The following TAF4B variants were observed in gnomAD, a reference collection of about 807,000 sequenced individuals.
TAF4B encodes the protein transcription initiation factor TFIID subunit 4B.
In TAF4B, 38 loss-of-function variants were observed where a neutral mutation model predicts 86.4. The observed-to-expected ratio is 0.44, with a 90% CI of 0.34 to 0.58. TAF4B has a LOEUF of 0.58. TAF4B is among the 20% of genes least tolerant of loss of function. TAF4B has a pLI of 0.02. For missense variants in TAF4B, 988 were observed against 1,027.6 expected (o/e 0.96, Z 0.53); for synonymous variants, 388 against 391.2 (o/e 0.99, Z 0.10).
In TAF4B at chr18:26,390,438, G is replaced by A. The variant is rs1171384935; in HGVS notation, c.*426G>A. The A allele has an allele frequency of 6.5e-6, 1 of 153,572 alleles. No homozygotes were observed. The highest frequency in any genetic ancestry group is 1.4e-5 in the Non-Finnish European group (1 of 69,078). 9.5% of individuals were successfully genotyped at this position (153,572 alleles called of 1,614,324 possible). A position where few individuals can be genotyped will look rare whatever the true frequency, so the allele number is the denominator to read the frequency against. ...TTCTATATTGAACCTGTCCCAAAGT[G>A]GTAGGTTTTCTGGGCTGGAATCAGA... On this transcript the variant is annotated 3_prime_UTR_variant, in exon 15 of 15. Transcript: ENST00000269142.
chr18:26,231,510 C>G (rs1329965850), intron 1 of TAF4B, among the ~76,000 whole-genome samples: 3 of 151,748 alleles, frequency 2.0e-5, no homozygotes, highest in Non-Finnish European at 1.5e-5. Context: ...TGCCACCACA[C>G]CAGGCTAATT....
chr18:26,317,674 C>T (rs2056925496), intron 10 of TAF4B, among the ~76,000 whole-genome samples: 2 of 152,148 alleles, frequency 1.3e-5, no homozygotes, highest in South Asian at 4.2e-4. Flanking sequence ...ATCAGGGTGC[C>T]AGCACGGTCA....
intron 1 of TAF4B, among the ~76,000 whole-genome samples, chr18:26,229,494 C>CTTTTTTTTTTTTTTTTTTTTTTTTTTT (rs34261854): frequency 2.3e-5 from 3 of 129,376 alleles, no homozygotes; most frequent in Admixed American, 8.1e-5. Flanking sequence ...TTCTTTCTTT[C>CTTTTTTTTTTTTTTTTTTTTTTTTTTT]TTTTTTTTTT....
intron 14 of TAF4B, among the ~76,000 whole-genome samples, chr18:26,370,463 CCTT>C: frequency 6.6e-6 from 1 of 152,302 alleles, no homozygotes; most frequent in Non-Finnish European, 1.5e-5. Context: ...CCTTGCCAGT[CCTT>C]CTACCCCTGT....
At chr18:26,272,259 T>C (rs1019378621) in intron 3 of TAF4B, among the ~76,000 whole-genome samples, 2 of 152,210 alleles carry the variant, frequency 1.3e-5, no homozygotes, top group Non-Finnish European at 2.9e-5. Flanking sequence ...ATCACCTGCA[T>C]GTGCAGTTCA....
chr18:26,227,126 C>T lies in TAF4B; in HGVS notation c.193C>T (p.Pro65Ser). The change falls in exon 1 of 15, where the codon CCC becomes TCC. Residue 65 changes from proline (P) to serine (S), a missense_variant. Coordinates refer to ENST00000269142, the MANE Select transcript of TAF4B (RefSeq NM_005640.3). ...CACGGCGTCCCAGCCCCTGCGGTCC[C>T]CCGTGGGGACCCTGGTGACCAAAGT... ...EPTASQPLRS[P>S]VGTLVTKVAP... is the part of the protein sequence containing the mutation. 1.9e-6 allele frequency: 3 copies of T among 1,613,780 alleles called. No homozygotes were observed. The South Asian group carries it at 3.3e-5, about 18-fold the overall frequency.
intron 13 of TAF4B, among the ~76,000 whole-genome samples, chr18:26,347,770 GTAGCTATA>G (rs1486033311): frequency 4.6e-5 from 7 of 152,180 alleles, no homozygotes; most frequent in Non-Finnish European, 1.0e-4. Context: ...GCTAGCAGGA[GTAGCTATA>G]CTTACATAAG....
intron 9 of TAF4B, among the ~76,000 whole-genome samples, chr18:26,297,287 A>G (rs1295885282): frequency 6.6e-6 from 1 of 152,194 alleles, no homozygotes; most frequent in African/African-American, 2.4e-5. Flanking sequence ...GAGACATGAC[A>G]TGAAATCCTC....
At chr18:26,236,227 G>T (rs2055745678) in intron 1 of TAF4B, among the ~76,000 whole-genome samples, 1 of 152,194 alleles carries the variant, frequency 6.6e-6, no homozygotes, top group African/African-American at 2.4e-5. Context: ...AAAGGCACGT[G>T]AAAAGAGCAA....
At chr18:26,277,351 G>A (rs184824863) in intron 5 of TAF4B, among the ~76,000 whole-genome samples, 4 of 152,262 alleles carry the variant, frequency 2.6e-5, no homozygotes, top group Admixed American at 2.6e-4. Flanking sequence ...CTGGCGAAGT[G>A]CTAGGATTAC....
rs911623819 is a variant in TAF4B at position 26,343,028 on chromosome 18, C to A, written c.2316+7797C>A. ...TCTCCCACTGAATACAACTATAAAA[C>A]CTGAACAGATGCATGGAGCAGCTAT... On this transcript the variant is annotated intron_variant, in intron 13 of 14. Transcript: ENST00000269142. 3.9e-5 allele frequency among the ~76,000 whole-genome samples: 6 copies of A among 152,260 alleles called. No homozygotes were observed. In the Middle Eastern group the frequency reaches 0.014, roughly 345 times the overall value.
chr18:26,303,719 T>C (rs1791072281), intron 9 of TAF4B, among the ~76,000 whole-genome samples: 1 of 144,032 alleles, frequency 6.9e-6, no homozygotes, highest in African/African-American at 2.6e-5. Context: ...TTGGCTCTAC[T>C]TGGGCTTTTG....
chr18:26,353,057 C>T (rs980013962), intron 13 of TAF4B, among the ~76,000 whole-genome samples: 4 of 152,146 alleles, frequency 2.6e-5, no homozygotes, highest in African/African-American at 9.7e-5. Context: ...GATAGAAACA[C>T]TTCCAGTTCA....
intron 13 of TAF4B, among the ~76,000 whole-genome samples, chr18:26,351,243 T>G (rs776799642): frequency 6.6e-6 from 1 of 152,106 alleles, no homozygotes; most frequent in African/African-American, 2.4e-5. Context: ...GGAGGACTTA[T>G]GTTAAGTAAA....
At chr18:26,280,991 T>A (rs191649315) in intron 5 of TAF4B, among the ~76,000 whole-genome samples, 1 of 152,294 alleles carries the variant, frequency 6.6e-6, no homozygotes, top group Admixed American at 6.5e-5. Flanking sequence ...AAGATCATGT[T>A]TTTTGTAGCA....
chr18:26,359,133 G>A (rs2057311750), intron 14 of TAF4B, among the ~76,000 whole-genome samples: 1 of 152,068 alleles, frequency 6.6e-6, no homozygotes, highest in Admixed American at 6.5e-5. Context: ...TGATCAAACT[G>A]TACCTATTAT....
At chr18:26,308,131 G>A (rs1278793608) in intron 9 of TAF4B, among the ~76,000 whole-genome samples, 2 of 152,172 alleles carry the variant, frequency 1.3e-5, no homozygotes, top group African/African-American at 4.8e-5. Context: ...GCGCACGCCT[G>A]TAATCCTAGC....
rs1598849857 is a variant in TAF4B at position 26,390,311 on chromosome 18, T to C, written c.*299T>C. On this transcript the variant is annotated 3_prime_UTR_variant, in exon 15 of 15. Coordinates refer to ENST00000269142, the MANE Select transcript of TAF4B (RefSeq NM_005640.3). ...GCCCTATTTGTTACTACCTGCCTCA[T>C]TTGCCAAATTGTAGCAGGTGAGGTG... 1 of 247,608 alleles carries C rather than the reference T, an allele frequency of 4.0e-6. No individual in the cohort carries two copies. Among genetic ancestry groups the C allele is most frequent in the Non-Finnish European group, 7.6e-6 (1 of 130,888 alleles). 15.3% of individuals were successfully genotyped at this position (247,608 alleles called of 1,614,324 possible). A position where few individuals can be genotyped will look rare whatever the true frequency, so the allele number is the denominator to read the frequency against.
chr18:26,283,376 C>A (rs1220198977), intron 6 of TAF4B, among the ~76,000 whole-genome samples: 2 of 152,006 alleles, frequency 1.3e-5, no homozygotes, highest in African/African-American at 2.4e-5. Flanking sequence ...TCTATCAGAA[C>A]TTCTGGGTGA....
Sources: gnomAD v4.1 joint callset for allele counts (sites outside exome capture counted in the v4.1 genomes callset) on GRCh38, gnomAD v4.1.1 for gene constraint, MANE v1.5 for transcripts, NCBI Gene and HGNC (gene_info 2026-07-23, HGNC 2026-07-21) for gene names.